The following RASSF3 variants were observed in gnomAD, a reference collection of about 807,000 sequenced individuals.
RASSF3 encodes Ras association domain family member 3.
In RASSF3, 19 loss-of-function variants were observed where a neutral mutation model predicts 19.9. That is an observed-to-expected ratio of 0.96 (90% CI 0.67 to 1.40). The LOEUF (loss-of-function observed/expected upper bound fraction) is 1.40, where lower values mean the gene tolerates loss of function less well. Among genes scored for constraint, RASSF3 ranks in the 40% most tolerant of loss-of-function variants. The pLI is 0.00. For synonymous variants in RASSF3, 110 were observed against 104.2 expected (o/e 1.06, Z -0.34); for missense variants, 306 against 289.8 (o/e 1.06, Z -0.41).
intron 1 of RASSF3, among the ~76,000 whole-genome samples, chr12:64,640,909 T>G (rs1317437606): frequency 1.3e-5 from 2 of 152,104 alleles, no homozygotes; most frequent in East Asian, 3.9e-4. Flanking sequence ...CCCAAAGTGC[T>G]GGGAGGTCTC....
At chr12:64,531,920 C>T (rs1225580671), upstream of RASSF3, among the ~76,000 whole-genome samples, 1 of 152,212 alleles carries the variant, frequency 6.6e-6, no homozygotes, top group Non-Finnish European at 1.5e-5. Context: ...TCCTGATGGC[C>T]TCCCCTCTAC....
At chr12:64,690,134 C>CT (rs1393147737) in intron 3 of RASSF3, among the ~76,000 whole-genome samples, 1 of 151,012 alleles carries the variant, frequency 6.6e-6, no homozygotes, top group Non-Finnish European at 1.5e-5. Context: ...TTTTAGAACT[C>CT]TTGTTTTTAT....
chr12:64,652,163 T>C (rs1452620315), intron 1 of RASSF3, among the ~76,000 whole-genome samples: 1 of 152,228 alleles, frequency 6.6e-6, no homozygotes, highest in African/African-American at 2.4e-5. Flanking sequence ...GATGGTATTT[T>C]GGCTCTAAAT....
At chr12:64,585,893 G>A (rs540859838) in intron 2 of RASSF3, among the ~76,000 whole-genome samples, 29 of 152,092 alleles carry the variant, frequency 1.9e-4, no homozygotes, top group Admixed American at 1.4e-3. Context: ...GGCATGAGCC[G>A]GTGCACCTGG....
chr12:64,572,337 A>G (rs1869533009), intron 2 of RASSF3, among the ~76,000 whole-genome samples: 1 of 152,144 alleles, frequency 6.6e-6, no homozygotes, highest in Non-Finnish European at 1.5e-5. Context: ...GCTTGCTGTC[A>G]CTGGCATGCT....
intron 1 of RASSF3, among the ~76,000 whole-genome samples, chr12:64,512,559 A>C: frequency 6.6e-6 from 1 of 152,206 alleles, no homozygotes; most frequent in East Asian, 1.9e-4. Flanking sequence ...GAGAGGAGAA[A>C]GTTTAGATGC....
chr12:64,606,519 G>A (rs1870195334), upstream of RASSF3, among the ~76,000 whole-genome samples: 1 of 152,182 alleles, frequency 6.6e-6, no homozygotes, highest in South Asian at 2.1e-4. Flanking sequence ...TGCTGCTGAT[G>A]AACCTGAGGC....
chr12:64,534,387 C>T (rs1018786980), intron 1 of RASSF3, among the ~76,000 whole-genome samples: 7 of 150,778 alleles, frequency 4.6e-5, no homozygotes, highest in Non-Finnish European at 8.9e-5. Context: ...CCCAGCTACT[C>T]GGGAGGCTGA....
At chr12:64,536,503 A>G (rs543576718) in intron 1 of RASSF3, among the ~76,000 whole-genome samples, 61 of 152,296 alleles carry the variant, frequency 4.0e-4, no homozygotes, top group African/African-American at 1.3e-3. Context: ...CTCTAATTCA[A>G]TTTGTCTGTG....
At chr12:64,651,062 A>G (rs2136190697) in intron 1 of RASSF3, among the ~76,000 whole-genome samples, 1 of 152,232 alleles carries the variant, frequency 6.6e-6, no homozygotes, top group African/African-American at 2.4e-5. Flanking sequence ...TAGATTTGAG[A>G]TTAGTGTTTG....
chr12:64,690,071 G>A (rs1868259510), intron 3 of RASSF3, among the ~76,000 whole-genome samples: 1 of 152,002 alleles, frequency 6.6e-6, no homozygotes, highest in Non-Finnish European at 1.5e-5. Context: ...TTGCAGGTGT[G>A]AGCCACCGCG....
intron 1 of RASSF3, chr12:64,654,340 A>T (rs1207003569): frequency 1.3e-5 from 2 of 150,770 alleles, no homozygotes; most frequent in Admixed American, 1.3e-4. Flanking sequence ...TTCTTTTGCT[A>T]TTTTTAGTAC....
At chr12:64,652,494 C>T (rs750699720) in intron 1 of RASSF3, among the ~76,000 whole-genome samples, 5 of 151,514 alleles carry the variant, frequency 3.3e-5, no homozygotes, top group African/African-American at 7.3e-5. Context: ...CCTCAGCCTC[C>T]TGAGTAGCTT....
At chr12:64,561,920 G>A (rs1869353808) in intron 2 of RASSF3, among the ~76,000 whole-genome samples, 1 of 151,796 alleles carries the variant, frequency 6.6e-6, no homozygotes, top group South Asian at 2.1e-4. Flanking sequence ...TTGACCTCGA[G>A]TGATCCACCC....
chr12:64,571,743 G>A (rs1448670046), intron 2 of RASSF3, among the ~76,000 whole-genome samples: 2 of 151,758 alleles, frequency 1.3e-5, no homozygotes, highest in African/African-American at 2.4e-5. Context: ...TTTTTGTGCT[G>A]TTCCAATGCA....
chr12:64,580,575 A>AACACACACACACACACAC (rs201737911), intron 2 of RASSF3, among the ~76,000 whole-genome samples: 11 of 141,406 alleles, frequency 7.8e-5, no homozygotes, highest in African/African-American at 2.6e-4. Context: ...TTTTTAGGAA[A>AACACACACACACACACAC]ACACACACAC....
intron 1 of RASSF3, among the ~76,000 whole-genome samples, chr12:64,648,921 TC>T (rs1331660439): frequency 6.9e-6 from 1 of 145,844 alleles, no homozygotes; most frequent in Non-Finnish European, 1.5e-5. Flanking sequence ...TCCTCACCCC[TC>T]AGCCTACCGA....
chr12:64,572,107 A>G (rs148156750), intron 2 of RASSF3, among the ~76,000 whole-genome samples: 1 of 151,726 alleles, frequency 6.6e-6, no homozygotes, highest in Non-Finnish European at 1.5e-5. Flanking sequence ...TTGTAATTGT[A>G]GACTTGTGTG....
At chr12:64,604,880 C>T (rs917004859) in intron 2 of RASSF3, among the ~76,000 whole-genome samples, 1 of 152,200 alleles carries the variant, frequency 6.6e-6, no homozygotes, top group Non-Finnish European at 1.5e-5. Context: ...CCGCCTCGGC[C>T]TCCCAAAGTG....
Sources: gnomAD v4.1 joint callset for allele counts (sites outside exome capture counted in the v4.1 genomes callset) on GRCh38, gnomAD v4.1.1 for gene constraint, MANE v1.5 for transcripts, NCBI Gene and HGNC (gene_info 2026-07-23, HGNC 2026-07-21) for gene names.